The following CNTN5 variants were observed in gnomAD, a reference collection of about 807,000 sequenced individuals.
The protein encoded by CNTN5 is contactin-5.
Under a neutral mutation model 129.1 loss-of-function variants are expected in CNTN5, and 77 were observed. The ratio of observed to expected loss-of-function variants is 0.60; its 90% CI spans 0.50 to 0.72. The LOEUF (loss-of-function observed/expected upper bound fraction) is 0.72, where lower values mean the gene tolerates loss of function less well. CNTN5 is among the 30% of genes least tolerant of loss of function. The pLI is 0.00. For synonymous variants in CNTN5, 509 were observed against 465.6 expected, an observed-to-expected ratio of 1.09 and a Z score of -1.20; for missense variants, 1,478 against 1,328.8, an observed-to-expected ratio of 1.11 and a Z score of -1.75.
At chr11:99,406,952 C>T (rs1942100260) in intron 2 of CNTN5, among the ~76,000 whole-genome samples, 1 of 151,676 alleles carries the variant, frequency 6.6e-6, no homozygotes, top group Admixed American at 6.6e-5. Context: ...GGGAAGTGGG[C>T]TCACCTCTGG....
At chr11:100,119,676 G>A (rs954670002) in intron 13 of CNTN5, among the ~76,000 whole-genome samples, 1 of 151,812 alleles carries the variant, frequency 6.6e-6, no homozygotes. Context: ...GGACTGATTT[G>A]GGCAGAATGG....
chr11:99,765,551 T>A (rs1944724335), intron 3 of CNTN5, among the ~76,000 whole-genome samples: 1 of 151,730 alleles, frequency 6.6e-6, no homozygotes. Flanking sequence ...GTACCCTTCT[T>A]ACATTTTATA....
intron 1 of CNTN5, among the ~76,000 whole-genome samples, chr11:99,111,150 A>C (rs533296164): frequency 6.6e-6 from 1 of 152,268 alleles, no homozygotes; most frequent in Admixed American, 6.6e-5. Flanking sequence ...TATTATCAAT[A>C]ATTTCAATAT....
intron 2 of CNTN5, among the ~76,000 whole-genome samples, chr11:99,362,562 G>T (rs1474727999): frequency 1.2e-4 from 18 of 151,632 alleles, no homozygotes; most frequent in Admixed American, 1.2e-3. Flanking sequence ...CAAACCCAAG[G>T]TTATGAAGAT....
At chr11:99,965,667 C>G (rs777641378) in intron 8 of CNTN5, among the ~76,000 whole-genome samples, 48 of 152,050 alleles carry the variant, frequency 3.2e-4, no homozygotes, top group Non-Finnish European at 6.3e-4. Flanking sequence ...CTGTAGATGT[C>G]TATTAGGTCT....
chr11:99,786,295 C>A (rs567747235), intron 3 of CNTN5, among the ~76,000 whole-genome samples: 1 of 152,200 alleles, frequency 6.6e-6, no homozygotes, highest in South Asian at 2.1e-4. Flanking sequence ...ATCCAACTTA[C>A]AAGGGATGTG....
intron 1 of CNTN5, among the ~76,000 whole-genome samples, chr11:99,126,768 A>G (rs1002838370): frequency 6.6e-6 from 1 of 152,158 alleles, no homozygotes; most frequent in South Asian, 2.1e-4. Flanking sequence ...AACCTTTCAA[A>G]ATTCAAATTT....
intron 18 of CNTN5, 112 bp from the exon 19 acceptor site, chr11:100,297,513 T>G: frequency 1.3e-6 from 1 of 775,762 alleles, no homozygotes; most frequent in Non-Finnish European, 2.2e-6. Context: ...TTTGTTTTAA[T>G]CTTTAATATG....
chr11:99,740,582 C>T (rs1373192523), intron 3 of CNTN5, among the ~76,000 whole-genome samples: 2 of 152,132 alleles, frequency 1.3e-5, no homozygotes, highest in Non-Finnish European at 2.9e-5. Flanking sequence ...TAGAAGGAGG[C>T]TTCCTTTCCT....
intron 9 of CNTN5, among the ~76,000 whole-genome samples, chr11:100,054,985 ATTC>A (rs1335974449): frequency 6.7e-6 from 1 of 148,960 alleles, no homozygotes; most frequent in Non-Finnish European, 1.5e-5. Flanking sequence ...TTTAAAAACA[ATTC>A]TTCTATACTT....
Position 100,236,110 on chromosome 11 carries a change from A to AT in CNTN5, c.2005+11303dup, listed in dbSNP as rs370321388. ...TATAACCTGTAGGTAATTAACATTT[A>AT]TTTTTCCCTGTTCAGGGAACATCAC... On this transcript the variant is annotated intron_variant, in intron 16 of 24. Transcript: ENST00000524871. 2.9e-3 allele frequency among the ~76,000 whole-genome samples: 443 copies of AT among 152,178 alleles called. 3 individuals carry two copies. The highest frequency in any genetic ancestry group is 0.01 in the African/African-American group (426 of 41,500).
chr11:99,098,150 C>T (rs1295038530), intron 1 of CNTN5, among the ~76,000 whole-genome samples: 2 of 152,020 alleles, frequency 1.3e-5, no homozygotes, highest in Non-Finnish European at 2.9e-5. Flanking sequence ...TCAGAGACAA[C>T]ACATTTCTCA....
chr11:100,142,654 T>C (rs901928585), intron 13 of CNTN5, among the ~76,000 whole-genome samples: 1 of 152,138 alleles, frequency 6.6e-6, no homozygotes, highest in Non-Finnish European at 1.5e-5. Context: ...GCTTGGCATT[T>C]TTTGCTGTTG....
chr11:99,759,094 ACT>A (rs1287086494), intron 3 of CNTN5, among the ~76,000 whole-genome samples: 3 of 151,874 alleles, frequency 2.0e-5, no homozygotes, highest in Non-Finnish European at 4.4e-5. Context: ...CCACATAGCA[ACT>A]CTATAAGGTG....
intron 8 of CNTN5, among the ~76,000 whole-genome samples, chr11:99,999,755 C>G (rs1475862231): frequency 2.6e-5 from 4 of 151,976 alleles, no homozygotes; most frequent in African/African-American, 7.3e-5. Flanking sequence ...TTGGAACCAA[C>G]CCAAATGTCC....
intron 3 of CNTN5, among the ~76,000 whole-genome samples, chr11:99,661,109 C>G (rs1334105046): frequency 6.6e-6 from 1 of 151,994 alleles, no homozygotes; most frequent in African/African-American, 2.4e-5. Context: ...AGATTGTATT[C>G]TCATAATCCT....
At chr11:100,267,519 A>T (rs955035678) in intron 17 of CNTN5, among the ~76,000 whole-genome samples, 3 of 152,090 alleles carry the variant, frequency 2.0e-5, no homozygotes, top group African/African-American at 7.2e-5. Context: ...CCTTACCGAG[A>T]AGGTATATTT....
At chr11:100,281,754 T>C (rs1337750662) in intron 18 of CNTN5, among the ~76,000 whole-genome samples, 1 of 152,188 alleles carries the variant, frequency 6.6e-6, no homozygotes, top group East Asian at 1.9e-4. Context: ...TTCTAAATCT[T>C]GTAGGTGTGC....
At chr11:99,216,782 G>A (rs1382916872) in intron 1 of CNTN5, among the ~76,000 whole-genome samples, 1 of 152,026 alleles carries the variant, frequency 6.6e-6, no homozygotes, top group Non-Finnish European at 1.5e-5. Context: ...GGACAAATGG[G>A]ATCAGAGAAA....
Sources: allele counts gnomAD v4.1 joint callset (sites outside exome capture counted in the v4.1 genomes callset), GRCh38; gene constraint gnomAD v4.1.1; transcripts MANE v1.5; gene names NCBI Gene and HGNC (gene_info 2026-07-23, HGNC 2026-07-21).